The following FBXL13 variants were observed in gnomAD, a reference collection of about 807,000 sequenced individuals.
The protein encoded by FBXL13 is F-box and leucine-rich repeat protein 13.
FBXL13 carries 67 observed loss-of-function variants against 83.6 expected under a neutral mutation model. The observed-to-expected ratio is 0.80, with a 90% CI of 0.66 to 0.98. FBXL13 has a LOEUF of 0.98. Among genes scored for constraint, FBXL13 ranks in the 50% least tolerant of loss-of-function variants. The pLI is 0.00. For synonymous variants in FBXL13, 272 were observed against 299.5 expected (o/e 0.91, Z 0.95); for missense variants, 822 against 866.5 (o/e 0.95, Z 0.64).
intron 6 of FBXL13, chr7:102,988,358 T>C (rs1410700239): frequency 1.3e-5 from 2 of 152,144 alleles, no homozygotes; most frequent in East Asian, 3.8e-4. Flanking sequence ...ACTTGGAATA[T>C]TTTTTTCCAC....
At chr7:102,842,898 G>C (rs1259427360) in intron 17 of FBXL13, among the ~76,000 whole-genome samples, 1 of 152,202 alleles carries the variant, frequency 6.6e-6, no homozygotes, top group Non-Finnish European at 1.5e-5. Flanking sequence ...TCCTGGGTCA[G>C]ACCAAAAGTC....
Position 103,055,870 on chromosome 7 carries a change from T to C in FBXL13, c.-104-123A>G, listed in dbSNP as rs543305980. ...TTTGGTTTTTAATTATTTATTTCCATAGGTTTTTGGGGAACAGGTGGTGTT... is the reference window on the plus strand; with the variant it reads ...TTTGGTTTTTAATTATTTATTTCCACAGGTTTTTGGGGAACAGGTGGTGTT... On this transcript the variant is annotated intron_variant, in intron 1 of 19. Coordinates refer to ENST00000313221, the Ensembl canonical transcript of FBXL13. 2.2e-4 allele frequency: 94 copies of C among 432,852 alleles called. 2 individuals carry two copies. The highest frequency in any genetic ancestry group is 1.6e-3 in the South Asian group (89 of 54,672). 26.8% of individuals were successfully genotyped at this position (432,852 alleles called of 1,614,324 possible).
At chr7:102,834,512 A>G (rs1801524252) in intron 17 of FBXL13, 1 of 149,716 alleles carries the variant, frequency 6.7e-6, no homozygotes, top group South Asian at 2.1e-4. Context: ...TTCTCTAGCT[A>G]TCTCTAAGAT....
Position 102,983,277 on chromosome 7 carries a change from ACTTCCACTAGCAGTAGGATTGCCT to A in FBXL13, c.496-15184_496-15161del, listed in dbSNP as rs1828486982. The stretch of plus-strand genomic sequence containing the variant: ...CACTAGCACTGGGAGTGCGGAGGCC[ACTTCCACTAGCAGTAGGATTGCCT>A]CTTCCACTAGCAAAGAAGACTCACC... On this transcript the variant is annotated intron_variant, in intron 6 of 19. Coordinates refer to ENST00000313221, the Ensembl canonical transcript of FBXL13. Among the ~76,000 whole-genome samples, 8 of 152,140 alleles carry A rather than the reference ACTTCCACTAGCAGTAGGATTGCCT, an allele frequency of 5.3e-5. No individual in the cohort carries two copies. The South Asian group carries it at 1.7e-3, about 31-fold the overall frequency.
intron 16 of FBXL13, among the ~76,000 whole-genome samples, chr7:102,872,400 A>T (rs181747310): frequency 7.2e-5 from 11 of 152,324 alleles, no homozygotes; most frequent in Non-Finnish European, 1.5e-4. Flanking sequence ...CTGATATTCT[A>T]GTGAGGGGAC....
rs544802232 is a variant in FBXL13 at position 102,986,991 on chromosome 7, T to A, written c.496-18874A>T. Reference sequence around the variant, plus strand: ...AGAATACTAAGCCATAAAAAAAAAATGTATTTTGCAGCAATTTGGATGGAA... The same window carrying A: ...AGAATACTAAGCCATAAAAAAAAAAAGTATTTTGCAGCAATTTGGATGGAA... On this transcript the variant is annotated intron_variant, in intron 6 of 19. Coordinates refer to ENST00000313221, the Ensembl canonical transcript of FBXL13. 5.5e-3 allele frequency among the ~76,000 whole-genome samples: 816 copies of A among 149,660 alleles called. 2 individuals are homozygous for A. Among genetic ancestry groups the A allele is most frequent in the Non-Finnish European group, 7.1e-3 (478 of 67,370 alleles).
chr7:102,892,266 A>G (rs945029569), intron 11 of FBXL13, among the ~76,000 whole-genome samples: 2 of 152,336 alleles, frequency 1.3e-5, no homozygotes, highest in South Asian at 2.1e-4. Context: ...TTACCACTTA[A>G]TATAATAAAC....
intron 17 of FBXL13, among the ~76,000 whole-genome samples, chr7:102,848,954 C>G (rs1339079735): frequency 6.6e-6 from 1 of 151,964 alleles, no homozygotes; most frequent in African/African-American, 2.4e-5. Context: ...GAGTCGAGAT[C>G]GTGCCATTGC....
At chr7:102,990,340 C>G (rs565141187) in intron 6 of FBXL13, among the ~76,000 whole-genome samples, 3 of 152,204 alleles carry the variant, frequency 2.0e-5, no homozygotes, top group African/African-American at 7.2e-5. Context: ...CACAGAAGCC[C>G]AGAATCAAGT....
intron 16 of FBXL13, among the ~76,000 whole-genome samples, chr7:102,875,378 G>A: frequency 6.6e-6 from 1 of 152,020 alleles, no homozygotes; most frequent in East Asian, 1.9e-4. Flanking sequence ...AGGAGGAAAG[G>A]AGAGGACAGG....
chr7:102,922,074 T>C lies in FBXL13; in HGVS notation c.878+4200A>G, dbSNP rs143249848. Among the ~76,000 whole-genome samples the C allele has an allele frequency of 3.7e-3, 566 of 151,544 alleles. 5 individuals are homozygous for C. The highest frequency in any genetic ancestry group is 0.014 in the African/African-American group (559 of 41,298). On this transcript the variant is annotated intron_variant, in intron 10 of 19. Transcript: ENST00000313221. ...GTGTGGTGGCAGACACCTGTAATCC[T>C]AGTTACTCAGGAGGCTGAGGCAGGA...
chr7:102,968,222 C>G (rs898990230), intron 6 of FBXL13, 105 bp from the exon 8 acceptor site: 18 of 666,172 alleles, frequency 2.7e-5, no homozygotes, highest in Non-Finnish European at 3.9e-5. Context: ...TGCACACACA[C>G]ACGCATTAGT....
chr7:103,028,820 G>A, intron 3 of FBXL13, 72 bp from the exon 5 acceptor site: 10 of 1,274,816 alleles, frequency 7.8e-6, no homozygotes, highest in Non-Finnish European at 1.0e-5. Context: ...ATAAATTAAG[G>A]AGAACAAAGA....
At chr7:102,913,404 A>T (rs1038354072) in intron 10 of FBXL13, among the ~76,000 whole-genome samples, 189 bp from the exon 12 acceptor site, 1 of 152,234 alleles carries the variant, frequency 6.6e-6, no homozygotes, top group Non-Finnish European at 1.5e-5. Flanking sequence ...GGTAACACAC[A>T]ATACATTTAA....
At chr7:103,069,827 C>T (rs1019216091) in intron 1 of FBXL13, among the ~76,000 whole-genome samples, 1 of 152,098 alleles carries the variant, frequency 6.6e-6, no homozygotes, top group African/African-American at 2.4e-5. Flanking sequence ...GCCTGTAATC[C>T]CAGCACTTTG....
At chr7:102,841,394 A>G (rs1584555873) in intron 17 of FBXL13, among the ~76,000 whole-genome samples, 2 of 152,306 alleles carry the variant, frequency 1.3e-5, no homozygotes, top group Non-Finnish European at 2.9e-5. Flanking sequence ...TGGATGCTCA[A>G]TATGAAAAGA....
chr7:102,954,862 C>T (rs1017187452), intron 8 of FBXL13, among the ~76,000 whole-genome samples: 2 of 152,106 alleles, frequency 1.3e-5, no homozygotes, highest in African/African-American at 2.4e-5. Context: ...TATATATGCA[C>T]CCAATACAGG....
chr7:102,848,882 C>T (rs1237564206), intron 17 of FBXL13, among the ~76,000 whole-genome samples: 3 of 152,052 alleles, frequency 2.0e-5, no homozygotes, highest in African/African-American at 7.2e-5. Flanking sequence ...TGCCTGTAAT[C>T]CCAGCTACTC....
intron 19 of FBXL13, chr7:102,814,219 C>T (rs969141677): frequency 9.9e-5 from 15 of 152,108 alleles, no homozygotes; most frequent in Non-Finnish European, 1.9e-4. Context: ...GTTTGAATCA[C>T]GAGATTAGTA....
Sources: allele counts gnomAD v4.1 joint callset (sites outside exome capture counted in the v4.1 genomes callset), GRCh38; gene constraint gnomAD v4.1.1; transcripts MANE v1.5; gene names NCBI Gene and HGNC (gene_info 2026-07-23, HGNC 2026-07-21).